Variants in NPAS3 observed in about 807,000 individuals in gnomAD.
NPAS3 encodes the protein neuronal PAS domain protein 3.
A neutral mutation model predicts 73.1 loss-of-function variants in NPAS3; 14 were observed. That is an observed-to-expected ratio of 0.19 (90% CI 0.13 to 0.30). The LOEUF (loss-of-function observed/expected upper bound fraction) is 0.30, where lower values mean the gene tolerates loss of function less well. Ranked by LOEUF, NPAS3 falls within the 10% of genes least tolerant of loss-of-function variation. The pLI, the probability that NPAS3 is intolerant of heterozygous loss-of-function variation, is 1.00. For synonymous variants in NPAS3, 620 were observed against 541.5 expected (o/e 1.14, Z -2.01); for missense variants, 1,096 against 1,250.0 (o/e 0.88, Z 1.86).
intron 2 of NPAS3, among the ~76,000 whole-genome samples, chr14:33,133,805 A>G (rs557681537): frequency 3.9e-5 from 6 of 152,220 alleles, no homozygotes; most frequent in East Asian, 1.9e-4. Context: ...TCTTGGTGAC[A>G]TGATATAGTG....
rs566306886 is a variant in NPAS3 at position 33,576,515 on chromosome 14, A to G, written c.558+16305A>G. On this transcript the variant is annotated intron_variant, in intron 5 of 11. Coordinates refer to ENST00000356141, the Ensembl canonical transcript of NPAS3. ...GGGCACAAACCTAAATGAAAGCTAT[A>G]CTACCCTGAATCATTTAAAAAGCTA... is the stretch of plus-strand genomic sequence containing the variant. Among the ~76,000 whole-genome samples the G allele has an allele frequency of 4.6e-5, 7 of 152,318 alleles. No individual in the cohort carries two copies. The East Asian group carries it at 1.2e-3, about 25-fold the overall frequency.
chr14:33,198,431 G>A (rs1006634921), intron 2 of NPAS3, among the ~76,000 whole-genome samples: 4 of 152,214 alleles, frequency 2.6e-5, no homozygotes, highest in Admixed American at 2.0e-4. Context: ...GCTAGACACA[G>A]AGTGCTGATT....
At chr14:33,066,824 G>A (rs1353136900) in intron 2 of NPAS3, among the ~76,000 whole-genome samples, 1 of 152,150 alleles carries the variant, frequency 6.6e-6, no homozygotes, top group Admixed American at 6.6e-5. Context: ...TACCTTTCAG[G>A]GGCCCCATTC....
intron 5 of NPAS3, among the ~76,000 whole-genome samples, chr14:33,650,673 A>G (rs1270608471): frequency 6.6e-6 from 1 of 152,136 alleles, no homozygotes; most frequent in Non-Finnish European, 1.5e-5. Flanking sequence ...ACATCCCCTC[A>G]CACAGCTCCT....
At chr14:33,751,401 C>T (rs141434337) in intron 7 of NPAS3, among the ~76,000 whole-genome samples, 36 of 152,218 alleles carry the variant, frequency 2.4e-4, no homozygotes, top group Non-Finnish European at 3.5e-4. Context: ...TCTCACATTG[C>T]TCATATAAAT....
intron 4 of NPAS3, among the ~76,000 whole-genome samples, chr14:33,406,692 C>T (rs1284717986): frequency 6.6e-6 from 1 of 152,102 alleles, no homozygotes; most frequent in East Asian, 1.9e-4. Context: ...CACCACAGTG[C>T]AAAGTTCACA....
At chr14:33,380,868 G>GGCC (rs2046517464) in intron 4 of NPAS3, among the ~76,000 whole-genome samples, 5 of 152,048 alleles carry the variant, frequency 3.3e-5, no homozygotes, top group Non-Finnish European at 7.4e-5. Context: ...TGACCCTTTA[G>GGCC]GCCACCACAA....
intron 3 of NPAS3, among the ~76,000 whole-genome samples, chr14:33,304,392 A>G (rs905401280): frequency 6.6e-6 from 1 of 152,096 alleles, no homozygotes; most frequent in Non-Finnish European, 1.5e-5. Flanking sequence ...TTACTCATAG[A>G]AAGTTGGTCC....
intron 3 of NPAS3, among the ~76,000 whole-genome samples, chr14:33,266,262 G>T (rs1340235410): frequency 6.6e-6 from 1 of 152,154 alleles, no homozygotes; most frequent in Non-Finnish European, 1.5e-5. Flanking sequence ...GAAAGGATGT[G>T]TTTTAATTTG....
chr14:33,408,064 TC>T (rs1388119540), intron 4 of NPAS3, among the ~76,000 whole-genome samples: 1 of 152,164 alleles, frequency 6.6e-6, no homozygotes, highest in Admixed American at 6.6e-5. Context: ...ATATGAAATG[TC>T]TTTATTAGTC....
chr14:33,638,268 CAT>C (rs571457901), intron 5 of NPAS3, among the ~76,000 whole-genome samples: 2 of 152,250 alleles, frequency 1.3e-5, no homozygotes, highest in South Asian at 4.2e-4. Flanking sequence ...ATTTTATACT[CAT>C]AATCTTATGG....
intron 3 of NPAS3, among the ~76,000 whole-genome samples, chr14:33,344,555 T>C (rs2044639232): frequency 6.6e-6 from 1 of 152,214 alleles, no homozygotes; most frequent in African/African-American, 2.4e-5. Context: ...CTGATCATAG[T>C]AGGTGATCAA....
At chr14:33,118,617 A>G (rs1317997693) in intron 2 of NPAS3, among the ~76,000 whole-genome samples, 1 of 152,138 alleles carries the variant, frequency 6.6e-6, no homozygotes, top group African/African-American at 2.4e-5. Context: ...CAAAATGTTT[A>G]GGAGCACAAA....
At chr14:33,740,366 T>G (rs948994641) in intron 7 of NPAS3, among the ~76,000 whole-genome samples, 22 of 152,226 alleles carry the variant, frequency 1.4e-4, no homozygotes, top group African/African-American at 5.1e-4. Flanking sequence ...ATACCCAACA[T>G]TGGATACTAG....
chr14:33,345,156 A>G (rs776318962), intron 3 of NPAS3, among the ~76,000 whole-genome samples: 2 of 152,236 alleles, frequency 1.3e-5, no homozygotes, highest in Non-Finnish European at 2.9e-5. Flanking sequence ...GAACACAGGA[A>G]TAACTAATTT....
chr14:33,519,064 AC>A (rs1182466289), intron 4 of NPAS3, among the ~76,000 whole-genome samples: 1 of 152,002 alleles, frequency 6.6e-6, no homozygotes, highest in Non-Finnish European at 1.5e-5. Context: ...GTTACACACA[AC>A]CCTCTATACA....
intron 2 of NPAS3, among the ~76,000 whole-genome samples, chr14:33,159,167 AAAAT>A (rs2044757771): frequency 6.6e-6 from 1 of 152,220 alleles, no homozygotes; most frequent in African/African-American, 2.4e-5. Flanking sequence ...CATCTCAAAA[AAAAT>A]AAATAAATAA....
chr14:33,207,040 C>T (rs1279354846), intron 2 of NPAS3, among the ~76,000 whole-genome samples: 1 of 152,148 alleles, frequency 6.6e-6, no homozygotes, highest in African/African-American at 2.4e-5. Flanking sequence ...GGCAAAGACC[C>T]GTGATCCTGA....
intron 5 of NPAS3, among the ~76,000 whole-genome samples, chr14:33,648,488 C>T (rs564117324): frequency 1.3e-5 from 2 of 152,252 alleles, no homozygotes; most frequent in African/African-American, 4.8e-5. Context: ...GAAAGGAAGG[C>T]TTTATGGAAA....
Sources: allele counts gnomAD v4.1 joint callset (sites outside exome capture counted in the v4.1 genomes callset), GRCh38; gene constraint gnomAD v4.1.1; transcripts MANE v1.5; gene names NCBI Gene and HGNC (gene_info 2026-07-23, HGNC 2026-07-21).